The following PRKN variants were observed in gnomAD, a reference collection of about 807,000 sequenced individuals.
PRKN encodes parkin RBR E3 ubiquitin protein ligase.
A neutral mutation model predicts 59.5 loss-of-function variants in PRKN; 56 were observed. That is an observed-to-expected ratio of 0.94 (90% confidence interval 0.76 to 1.18). PRKN has a LOEUF of 1.18. Ranked by LOEUF, PRKN falls within the 50% of genes most tolerant of loss-of-function variation. The pLI is 0.00. For missense variants in PRKN, 657 were observed against 596.4 expected (o/e 1.10, Z -1.06); for synonymous variants, 250 against 222.1 (o/e 1.13, Z -1.12).
At chr6:161,713,306 A>T (rs1016478155) in intron 7 of PRKN, among the ~76,000 whole-genome samples, 1 of 152,044 alleles carries the variant, frequency 6.6e-6, no homozygotes, top group Non-Finnish European at 1.5e-5. Flanking sequence ...AGCTCATCAA[A>T]TCTTGTTGTT....
rs1786384001 is a variant in PRKN at position 161,388,907 on chromosome 6, TAA to T, written c.1084-2032_1084-2031del. Among the ~76,000 whole-genome samples the T allele has an allele frequency of 6.6e-6, 1 of 152,346 alleles. No individual in the cohort carries two copies. Among genetic ancestry groups the T allele is most frequent in the South Asian group, 2.1e-4 (1 of 4,824 alleles). On this transcript the variant is annotated intron_variant, in intron 9 of 11. Transcript: ENST00000366898. The surrounding 1 kb of genome is among the most constrained non-coding windows in gnomAD (Gnocchi z 4.3). ...GTAGACTGTTGTTATTTGAAATCAT[TAA>T]AGTTTAGGGTGGTTTTTACACAGCA...
At chr6:162,613,216 T>C (rs1276741286) in intron 1 of PRKN, among the ~76,000 whole-genome samples, 1 of 152,220 alleles carries the variant, frequency 6.6e-6, no homozygotes, top group African/African-American at 2.4e-5. Context: ...GATGATAAGA[T>C]ATTCCTTGCA....
At chr6:162,361,361 C>T (rs146686477) in intron 2 of PRKN, among the ~76,000 whole-genome samples, 53 of 151,650 alleles carry the variant, frequency 3.5e-4, no homozygotes, top group African/African-American at 9.4e-4. Flanking sequence ...GATGAGGTCA[C>T]GAGGATGAGG....
intron 7 of PRKN, among the ~76,000 whole-genome samples, chr6:161,709,618 C>G: frequency 6.6e-6 from 1 of 152,176 alleles, no homozygotes. Context: ...TGGTTAATAG[C>G]AGATCATGAG....
intron 7 of PRKN, among the ~76,000 whole-genome samples, chr6:161,580,432 C>T (rs1349586126): frequency 6.6e-6 from 1 of 152,104 alleles, no homozygotes; most frequent in Non-Finnish European, 1.5e-5. Context: ...AGCCCTTCAT[C>T]CTGCACACTT....
chr6:161,744,665 G>A (rs1426093332), intron 7 of PRKN, among the ~76,000 whole-genome samples: 4 of 152,186 alleles, frequency 2.6e-5, no homozygotes, highest in Admixed American at 6.5e-5. Context: ...GCATTGACTC[G>A]TGGTCTATTC....
Position 161,446,440 on chromosome 6 carries a change from C to T in PRKN, c.1084-59563G>A, listed in dbSNP as rs1205844297. On this transcript the variant is annotated intron_variant, in intron 9 of 11. Coordinates refer to ENST00000366898, the MANE Select transcript of PRKN (RefSeq NM_004562.3). The surrounding 1 kb of genome is among the most constrained non-coding windows in gnomAD (Gnocchi z 6.2). ...ATGCAGCTGTGGGAGGGGAAAGGCC[C>T]TCCCCGCTACCAGATGCAGACTCTG... Among the ~76,000 whole-genome samples, 4 of 152,070 alleles carry T rather than the reference C, an allele frequency of 2.6e-5. No homozygotes were observed. The highest frequency in any genetic ancestry group is 2.0e-4 in the Admixed American group (3 of 15,262).
intron 7 of PRKN, among the ~76,000 whole-genome samples, chr6:161,587,300 T>C (rs1781554473): frequency 6.6e-6 from 1 of 152,202 alleles, no homozygotes; most frequent in African/African-American, 2.4e-5. Flanking sequence ...GTTTAGCAGC[T>C]TGTGTTTAAA....
At position 161,390,026 on chromosome 6, in the gene PRKN, G is replaced by C. The variant is rs530883042; in HGVS notation, c.1084-3149C>G. Among the ~76,000 whole-genome samples, 2 of 152,174 alleles carry C rather than the reference G, an allele frequency of 1.3e-5. No individual in the cohort carries two copies. Among genetic ancestry groups the C allele is most frequent in the Non-Finnish European group, 2.9e-5 (2 of 68,028 alleles). ...CAAGCAAATGCTGCAGGAATATTCCGGTGATGACTTCACAGGGAGGCACTG... is the reference window on the plus strand; with the variant it reads ...CAAGCAAATGCTGCAGGAATATTCCCGTGATGACTTCACAGGGAGGCACTG... On this transcript the variant is annotated intron_variant, in intron 9 of 11. Transcript: ENST00000366898. The surrounding 1 kb of genome is among the most constrained non-coding windows in gnomAD (Gnocchi z 7.0).
intron 3 of PRKN, among the ~76,000 whole-genome samples, chr6:162,246,292 T>C (rs1215072221): frequency 1.3e-5 from 2 of 152,062 alleles, no homozygotes; most frequent in African/African-American, 4.8e-5. Context: ...CAAGAGGGTA[T>C]GTAGAGGAAA....
intron 5 of PRKN, among the ~76,000 whole-genome samples, chr6:161,973,669 C>T (rs531208722): frequency 1.3e-4 from 20 of 152,216 alleles, no homozygotes; most frequent in Admixed American, 2.6e-4. Flanking sequence ...TGGAGAAATA[C>T]GCTGTGACCT....
chr6:162,181,552 G>A (rs1471863319), intron 4 of PRKN, among the ~76,000 whole-genome samples: 1 of 152,092 alleles, frequency 6.6e-6, no homozygotes, highest in Non-Finnish European at 1.5e-5. Context: ...TGCATAAAGA[G>A]GGTCAGGCTT....
chr6:162,312,391 A>G (rs945821085), intron 2 of PRKN, among the ~76,000 whole-genome samples: 19 of 152,048 alleles, frequency 1.2e-4, no homozygotes, highest in Non-Finnish European at 2.4e-4. Context: ...GAGCATTTAG[A>G]ATCCCATTCC....
intron 2 of PRKN, among the ~76,000 whole-genome samples, chr6:162,389,007 G>GAAAAAAAAAAAAA (rs71278564): frequency 1.2e-4 from 12 of 104,144 alleles, no homozygotes; most frequent in African/African-American, 4.3e-4. Flanking sequence ...AGTTCCTCCA[G>GAAAAAAAAAAAAA]AAAAAAAAAA....
chr6:161,536,667 C>T (rs925154037), intron 9 of PRKN, among the ~76,000 whole-genome samples: 6 of 152,170 alleles, frequency 3.9e-5, no homozygotes, highest in Non-Finnish European at 7.3e-5. Context: ...ATTTTATTCA[C>T]ATTCTGAGGT....
intron 7 of PRKN, among the ~76,000 whole-genome samples, chr6:161,598,621 TA>T (rs1782001341): frequency 1.3e-5 from 2 of 152,256 alleles, no homozygotes; most frequent in African/African-American, 4.8e-5. Context: ...TATCTTTCTC[TA>T]ATTCATTAGC....
At chr6:162,525,631 C>T (rs558490449) in intron 1 of PRKN, among the ~76,000 whole-genome samples, 66 of 152,252 alleles carry the variant, frequency 4.3e-4, no homozygotes, top group African/African-American at 1.4e-3. Flanking sequence ...CTCTTCCTTC[C>T]TTAATTAAAT....
chr6:162,368,793 T>C (rs1008292919), intron 2 of PRKN, among the ~76,000 whole-genome samples: 8 of 152,230 alleles, frequency 5.3e-5, no homozygotes, highest in Non-Finnish European at 7.3e-5. Flanking sequence ...CTAATTGATA[T>C]AGCATAATTT....
chr6:161,489,003 T>C (rs1028764792), intron 9 of PRKN, among the ~76,000 whole-genome samples: 6 of 152,116 alleles, frequency 3.9e-5, no homozygotes, highest in African/African-American at 1.4e-4. Context: ...ACGAGGCGAC[T>C]AGAAGAAAAA....
Sources: gnomAD v4.1 joint callset for allele counts (sites outside exome capture counted in the v4.1 genomes callset) on GRCh38, gnomAD v4.1.1 for gene constraint, Gnocchi (gnomAD v3.1) non-coding constraint, MANE v1.5 for transcripts, NCBI Gene and HGNC (gene_info 2026-07-23, HGNC 2026-07-21) for gene names.